The following CCAR1 variants were observed in gnomAD, a reference collection of about 807,000 sequenced individuals.
CCAR1 encodes cell division cycle and apoptosis regulator 1.
CCAR1 carries 78 observed loss-of-function variants against 163.8 expected under a neutral mutation model. That is an observed-to-expected ratio of 0.48 (90% CI 0.40 to 0.57). The LOEUF (loss-of-function observed/expected upper bound fraction) is 0.57. Among genes scored for constraint, CCAR1 ranks in the 20% least tolerant of loss-of-function variants. CCAR1 has a pLI of 0.00. For missense variants in CCAR1, 1,019 were observed against 1,365.2 expected, an observed-to-expected ratio of 0.75 and a Z score of 4.00; for synonymous variants, 443 against 460.7, an observed-to-expected ratio of 0.96 and a Z score of 0.49.
At chr10:68,779,518 C>G (rs912051456) in intron 19 of CCAR1, among the ~76,000 whole-genome samples, 1 of 152,130 alleles carries the variant, frequency 6.6e-6, no homozygotes, top group African/African-American at 2.4e-5. Flanking sequence ...CTCAGCCTCC[C>G]AAAGTGCCGG....
chr10:68,751,875 C>A (rs966434117), intron 10 of CCAR1, among the ~76,000 whole-genome samples: 1 of 149,536 alleles, frequency 6.7e-6, no homozygotes, highest in African/African-American at 2.5e-5. Flanking sequence ...AAATAAAAAA[C>A]TAATAATAAT....
chr10:68,766,159 T>G, intron 17 of CCAR1, 80 bp downstream of exon 17: 2 of 911,198 alleles, frequency 2.2e-6, no homozygotes, highest in East Asian at 5.3e-5. Context: ...CTCTGAAATC[T>G]TTTTTCTTTG....
At position 68,756,474 on chromosome 10, in the gene CCAR1, T is replaced by G. The variant is rs1350790165; in HGVS notation, c.1827T>G (p.Asp609Glu). 6.2e-7 allele frequency: 1 copy of G among 1,609,174 alleles called. No homozygotes were observed. The highest frequency in any genetic ancestry group is 8.5e-7 in the Non-Finnish European group (1 of 1,177,494). The change falls in exon 14 of 25, where the codon GAT (aspartate) becomes GAG (glutamate). Residue 609 changes from aspartate to glutamate, a missense_variant. Physicochemically the swap from Asp to Glu is conservative, Grantham distance 45. Coordinates refer to ENST00000265872, the MANE Select transcript of CCAR1 (RefSeq NM_018237.4). The surrounding 1 kb of genome is among the most constrained non-coding windows in gnomAD (Gnocchi z 5.1). ...EKLQGERKEA[D>E]GEQDEEEKDD... ...TTCAGGGTGAACGCAAGGAGGCTGA[T>G]GGAGAACAGGCACTGAACGCTAATC...
At chr10:68,745,653 G>A (rs1033087960) in intron 6 of CCAR1, among the ~76,000 whole-genome samples, 12 of 151,364 alleles carry the variant, frequency 7.9e-5, no homozygotes, top group Admixed American at 6.6e-5. Flanking sequence ...TAGTAGAGAC[G>A]GGGTTTCACC....
chr10:68,769,204 G>A (rs1305781845), intron 17 of CCAR1, among the ~76,000 whole-genome samples: 1 of 152,110 alleles, frequency 6.6e-6, no homozygotes. Flanking sequence ...TCGAAGTCCC[G>A]ACCTCGTGAT....
intron 6 of CCAR1, among the ~76,000 whole-genome samples, chr10:68,745,847 A>G (rs61869864): frequency 0.032 from 4,943 of 152,212 alleles, 130 homozygotes; most frequent in Non-Finnish European, 0.051. Flanking sequence ...TGATCTCACA[A>G]TGTTGCCCAA....
intron 16 of CCAR1, 57 bp downstream of exon 16, chr10:68,761,249 T>C: frequency 2.2e-6 from 2 of 916,476 alleles, no homozygotes; most frequent in Non-Finnish European, 3.1e-6. Flanking sequence ...TATAGGGTGT[T>C]CTTGGAATAC....
chr10:68,776,414 A>T (rs1014153668), intron 19 of CCAR1, among the ~76,000 whole-genome samples: 18 of 152,040 alleles, frequency 1.2e-4, no homozygotes, highest in Non-Finnish European at 1.5e-5. Context: ...AAAATACAAA[A>T]AATTAGCTGG....
chr10:68,721,603 C>G (rs1484978641), intron 1 of CCAR1: 1 of 446,592 alleles, frequency 2.2e-6, no homozygotes, highest in South Asian at 1.6e-5. Flanking sequence ...CCTGGCCCCC[C>G]GGCCCGGGAC....
rs1438430271 is a variant in CCAR1, at chr10:68,756,014, C to T, written c.1626-259C>T. On this transcript the variant is annotated intron_variant, in intron 13 of 24. Coordinates refer to ENST00000265872, the MANE Select transcript of CCAR1 (RefSeq NM_018237.4). The surrounding 1 kb of genome is among the most constrained non-coding windows in gnomAD (Gnocchi z 5.1). ...TGAAATCTGAACAGCTATCCAGCTTCTTCAGGTATTCTCTAAAATGCGGGT... is the reference window on the plus strand; with the variant it reads ...TGAAATCTGAACAGCTATCCAGCTTTTTCAGGTATTCTCTAAAATGCGGGT... 1.8e-4 allele frequency among the ~76,000 whole-genome samples: 27 copies of T among 152,142 alleles called. No homozygotes were observed. The highest frequency in any genetic ancestry group is 1.8e-3 in the Admixed American group (27 of 15,260).
Position 68,756,058 on chromosome 10 carries a change from G to C in CCAR1, c.1626-215G>C, listed in dbSNP as rs761602497. Among the ~76,000 whole-genome samples, 1 of 152,110 alleles carries C rather than the reference G, an allele frequency of 6.6e-6. No individual in the cohort carries two copies. Among genetic ancestry groups the C allele is most frequent in the African/African-American group, 2.4e-5 (1 of 41,430 alleles). ...TGCGGGTAGCTCTGTAATCAAACTTGAAAATGCCTTGGGGGAACATATTCT... is the reference window on the plus strand; with the variant it reads ...TGCGGGTAGCTCTGTAATCAAACTTCAAAATGCCTTGGGGGAACATATTCT... On this transcript the variant is annotated intron_variant, in intron 13 of 24. Coordinates refer to ENST00000265872, the MANE Select transcript of CCAR1 (RefSeq NM_018237.4). This position sits in a 1 kb window ranked among gnomAD's most constrained non-coding sequence, Gnocchi z 5.1.
At chr10:68,777,977 T>C (rs2056689134) in intron 19 of CCAR1, among the ~76,000 whole-genome samples, 1 of 151,910 alleles carries the variant, frequency 6.6e-6, no homozygotes, top group African/African-American at 2.4e-5. Flanking sequence ...TCCCAGTACT[T>C]TGGGAGGCCA....
intron 2 of CCAR1, among the ~76,000 whole-genome samples, chr10:68,722,917 G>A (rs1465723337): frequency 6.6e-6 from 1 of 151,634 alleles, no homozygotes; most frequent in Non-Finnish European, 1.5e-5. Flanking sequence ...GAGATACTCC[G>A]TCTCAAAAAA....
At position 68,760,995 on chromosome 10, in the gene CCAR1, C is replaced by A. The variant is rs1291257606; in HGVS notation, c.1921-12C>A. 1.8e-6 allele frequency: 2 copies of A among 1,124,618 alleles called. No homozygotes were observed. The highest frequency in any genetic ancestry group is 2.3e-6 in the Non-Finnish European group (2 of 872,204). The allele number at this position is 1,124,618 out of a possible 1,614,324, so 69.7% of individuals were successfully genotyped here. A position where few individuals can be genotyped will look rare whatever the true frequency, so the allele number is the denominator to read the frequency against. Reference sequence around the variant, plus strand: ...TTTTTTTTTTCCGTGTTTTTCTGCTCCATATATTCAGGTAAATGACCTCCG... The same window carrying A: ...TTTTTTTTTTCCGTGTTTTTCTGCTACATATATTCAGGTAAATGACCTCCG... On this transcript the variant is annotated splice_polypyrimidine_tract_variant and intron_variant, in intron 15 of 24. Coordinates refer to ENST00000265872, the MANE Select transcript of CCAR1 (RefSeq NM_018237.4).
chr10:68,749,522 A>G lies in CCAR1; in HGVS notation c.957-2A>G. ...AGTAATTTTAGAAAAATTTGCTTTC[A>G]GTCGTGAGAGAGAGAGAGAAAGACG... On this transcript the variant is annotated splice_acceptor_variant, in intron 9 of 24. Transcript: ENST00000265872. LOFTEE classifies it high-confidence loss of function. 6.2e-7 allele frequency: 1 copy of G among 1,605,238 alleles called. No homozygotes were observed. The highest frequency in any genetic ancestry group is 8.5e-7 in the Non-Finnish European group (1 of 1,177,066).
At chr10:68,750,513 C>T (rs1384533208) in intron 10 of CCAR1, among the ~76,000 whole-genome samples, 1 of 152,206 alleles carries the variant, frequency 6.6e-6, no homozygotes, top group African/African-American at 2.4e-5. Context: ...GTGTGAGCTA[C>T]TGCTCCTGGC....
intron 2 of CCAR1, among the ~76,000 whole-genome samples, chr10:68,732,312 A>G (rs182236236): frequency 0.014 from 2,147 of 151,308 alleles, 58 homozygotes; most frequent in African/African-American, 0.049. Context: ...TTACATGATA[A>G]TTTTTTTTCT....
chr10:68,769,236 A>G (rs1297193585), intron 17 of CCAR1, among the ~76,000 whole-genome samples: 2 of 152,188 alleles, frequency 1.3e-5, no homozygotes, highest in East Asian at 3.9e-4. Context: ...AGCCTCCTGA[A>G]GTGCTGGGAT....
chr10:68,748,517 TTC>T (rs1051616944), intron 8 of CCAR1, among the ~76,000 whole-genome samples: 1 of 149,084 alleles, frequency 6.7e-6, no homozygotes, highest in Non-Finnish European at 1.5e-5. Context: ...GAGGCAGGGT[TTC>T]TCTCTATCGC....
Sources: gnomAD v4.1 joint callset for allele counts (sites outside exome capture counted in the v4.1 genomes callset) on GRCh38, gnomAD v4.1.1 for gene constraint, Gnocchi (gnomAD v3.1) non-coding constraint, MANE v1.5 for transcripts, NCBI Gene and HGNC (gene_info 2026-07-23, HGNC 2026-07-21) for gene names.